PLCE1: variants seen among roughly 807,000 people sequenced by gnomAD.
The protein encoded by PLCE1 is 1-phosphatidylinositol 4,5-bisphosphate phosphodiesterase epsilon-1.
In PLCE1, 119 loss-of-function variants were observed where a neutral mutation model predicts 242.8. That is an observed-to-expected ratio of 0.49 (90% CI 0.42 to 0.57). PLCE1 has a LOEUF of 0.57. Among genes scored for constraint, PLCE1 ranks in the 20% least tolerant of loss-of-function variants. PLCE1 has a pLI of 0.00. For missense variants in PLCE1, 2,441 were observed against 2,788.8 expected, an observed-to-expected ratio of 0.88 and a Z score of 2.81; for synonymous variants, 945 against 1,017.4, an observed-to-expected ratio of 0.93 and a Z score of 1.35.
intron 27 of PLCE1, among the ~76,000 whole-genome samples, chr10:94,312,987 C>T (rs1315096869): frequency 6.6e-6 from 1 of 152,172 alleles, no homozygotes; most frequent in Admixed American, 6.5e-5. Flanking sequence ...TAAGAACTAA[C>T]ATACATTTCA....
At chr10:94,191,183 G>A (rs573731840) in intron 4 of PLCE1, among the ~76,000 whole-genome samples, 53 of 152,264 alleles carry the variant, frequency 3.5e-4, no homozygotes, top group African/African-American at 1.3e-3. Context: ...CATTAACAGA[G>A]CATTCAGAAT....
chr10:93,995,434 T>C (rs1418636447), intron 1 of PLCE1, among the ~76,000 whole-genome samples: 1 of 152,200 alleles, frequency 6.6e-6, no homozygotes, highest in Non-Finnish European at 1.5e-5. Context: ...CAGCATTTTT[T>C]CTCCAGGGCC....
chr10:94,132,949 CAAAAA>C (rs33967020), intron 3 of PLCE1, among the ~76,000 whole-genome samples: 5 of 88,844 alleles, frequency 5.6e-5, no homozygotes, highest in African/African-American at 4.3e-5. Context: ...GACTCCATCT[CAAAAA>C]AAAAAAAAAA....
At chr10:94,014,477 T>C (rs1464277142) in intron 1 of PLCE1, among the ~76,000 whole-genome samples, 2 of 151,006 alleles carry the variant, frequency 1.3e-5, no homozygotes, top group East Asian at 2.0e-4. Flanking sequence ...TGGTGGTGCA[T>C]GTCTGTAGTC....
chr10:94,263,511 C>CT, intron 14 of PLCE1, among the ~76,000 whole-genome samples: 1 of 138,740 alleles, frequency 7.2e-6, no homozygotes, highest in African/African-American at 2.7e-5. Context: ...AAGACCCCAT[C>CT]TCAAAAAAAA....
intron 4 of PLCE1, among the ~76,000 whole-genome samples, chr10:94,222,404 GGGCAGATCCT>G (rs2049784190): frequency 6.6e-6 from 1 of 152,054 alleles, no homozygotes. Flanking sequence ...AACTTACCGA[GGGCAGATCCT>G]GACAGGTCAC....
intron 11 of PLCE1, 26 bp from the exon 12 acceptor site, chr10:94,258,774 C>T (rs765352831): frequency 6.2e-7 from 1 of 1,613,932 alleles, no homozygotes; most frequent in Non-Finnish European, 8.5e-7. Flanking sequence ...GCCCTTGTGC[C>T]CATGAAGGCC....
intron 3 of PLCE1, among the ~76,000 whole-genome samples, chr10:94,163,145 G>A: frequency 6.6e-6 from 1 of 152,146 alleles, no homozygotes. Context: ...GATTTGGGGT[G>A]GAGAGTTTTG....
rs67919831 is a variant in PLCE1, at chr10:94,179,521, T to TGTTTTTTGTTTTG, written c.1809+8025_1809+8026insGTTTTTTGTTTTG. ...TTTTTATTTTAGTTTAGTTTTTTTT[T>TGTTTTTTGTTTTG]TTTTTTTTTGACAGGGTCTCTGTTG... is the stretch of plus-strand genomic sequence containing the variant. On this transcript the variant is annotated intron_variant, in intron 4 of 32. Coordinates refer to ENST00000371380, the MANE Select transcript of PLCE1 (RefSeq NM_016341.4). Among the ~76,000 whole-genome samples the TGTTTTTTGTTTTG allele has an allele frequency of 5.9e-5, 5 of 84,676 alleles. No individual in the cohort carries two copies. In the East Asian group the frequency reaches 8.2e-4, roughly 14 times the overall value. The allele number at this position is 84,676 out of a possible 152,430, so 55.6% of individuals were successfully genotyped here. A position where few individuals can be genotyped will look rare whatever the true frequency, so the allele number is the denominator to read the frequency against.
At chr10:94,166,513 G>A (rs1046918029) in intron 3 of PLCE1, among the ~76,000 whole-genome samples, 1 of 151,978 alleles carries the variant, frequency 6.6e-6, no homozygotes, top group East Asian at 1.9e-4. Context: ...GCCTTCTAAA[G>A]TCAGAATCCT....
At chr10:94,281,258 GTAGT>G (rs2052205856) in intron 20 of PLCE1, among the ~76,000 whole-genome samples, 1 of 152,100 alleles carries the variant, frequency 6.6e-6, no homozygotes, top group Admixed American at 6.6e-5. Flanking sequence ...GCCCCTATAA[GTAGT>G]TAGTCCACTA....
chr10:94,066,233 A>G (rs1413191818), intron 2 of PLCE1, among the ~76,000 whole-genome samples: 2 of 152,158 alleles, frequency 1.3e-5, no homozygotes, highest in Non-Finnish European at 2.9e-5. Context: ...TCTCTAACAA[A>G]AGCAAATAAA....
chr10:94,016,095 C>T (rs558971079), intron 1 of PLCE1, among the ~76,000 whole-genome samples: 10 of 152,144 alleles, frequency 6.6e-5, no homozygotes, highest in African/African-American at 2.2e-4. Context: ...TGTGTGGCTT[C>T]GGAGGGGCAA....
At position 94,234,091 on chromosome 10, in the gene PLCE1, C is replaced by T. The variant is rs755071593; in HGVS notation, c.1993C>T (p.Gln665Ter). Residue 665 changes from glutamine (Q) to a stop codon, truncating the protein, a stop_gained, in exon 6 of 33, where the codon CAG becomes TAG. Transcript: ENST00000371380. LOFTEE classifies it high-confidence loss of function. ...KVLKMWQFMDQSDIETMRSLK... is the reference protein window; with the variant it reads ...KVLKMWQFMD ...TTTAAAAATGTGGCAGTTCATGGACCAGTCTGATATTGAGACCATGAGGAG... is the reference window on the plus strand; with the variant it reads ...TTTAAAAATGTGGCAGTTCATGGACTAGTCTGATATTGAGACCATGAGGAG... 1 of 1,613,600 alleles carries T rather than the reference C, an allele frequency of 6.2e-7. No homozygotes were observed. Among genetic ancestry groups the T allele is most frequent in the East Asian group, 2.2e-5 (1 of 44,854 alleles).
At chr10:94,269,160 GGTACCA>G in intron 17 of PLCE1, 124 bp downstream of exon 17, 1 of 585,312 alleles carries the variant, frequency 1.7e-6, no homozygotes, top group South Asian at 1.7e-5. Flanking sequence ...GGAGTAGAGT[GGTACCA>G]TCTTGGCTCA....
At chr10:94,160,560 T>G (rs932772578) in intron 3 of PLCE1, among the ~76,000 whole-genome samples, 4 of 152,214 alleles carry the variant, frequency 2.6e-5, no homozygotes, top group African/African-American at 9.6e-5. Context: ...TTTCTCCCAT[T>G]CTGCAGGTTG....
At chr10:94,099,424 G>A (rs967637646) in intron 2 of PLCE1, among the ~76,000 whole-genome samples, 2 of 152,222 alleles carry the variant, frequency 1.3e-5, no homozygotes, top group Non-Finnish European at 2.9e-5. Context: ...CTGAGGCTTA[G>A]AGAAGCAGTT....
chr10:94,260,248 C>G (rs2132973295), intron 13 of PLCE1, among the ~76,000 whole-genome samples: 1 of 152,306 alleles, frequency 6.6e-6, no homozygotes, highest in South Asian at 2.1e-4. Context: ...GCGCCTTCCA[C>G]AGGGTACTTC....
chr10:94,229,894 C>T (rs539407301), intron 5 of PLCE1, among the ~76,000 whole-genome samples: 38 of 152,254 alleles, frequency 2.5e-4, no homozygotes, highest in African/African-American at 8.7e-4. Flanking sequence ...TATAATAGGT[C>T]TTTTGTTGAC....
Sources: allele counts gnomAD v4.1 joint callset (sites outside exome capture counted in the v4.1 genomes callset), GRCh38; gene constraint gnomAD v4.1.1; transcripts MANE v1.5; gene names NCBI Gene and HGNC (gene_info 2026-07-23, HGNC 2026-07-21).